Variants in ATP4A observed in about 807,000 individuals in gnomAD.
The protein encoded by ATP4A is potassium-transporting ATPase alpha chain 1.
A neutral mutation model predicts 112.1 loss-of-function variants in ATP4A; 73 were observed. The observed-to-expected ratio is 0.65, with a 90% CI of 0.54 to 0.79. ATP4A has a LOEUF of 0.79. Ranked by LOEUF, ATP4A falls within the 30% of genes least tolerant of loss-of-function variation. ATP4A has a pLI of 0.00. For synonymous variants in ATP4A, 588 were observed against 588.9 expected (o/e 1.00, Z 0.02); for missense variants, 1,081 against 1,425.9 (o/e 0.76, Z 3.90).
At position 35,559,015 on chromosome 19, in the gene ATP4A, A is replaced by C. The variant is rs201370478; in HGVS notation, c.1233T>G (p.Ala411=). The C allele has an allele frequency of 1.2e-6, 2 of 1,614,044 alleles. No individual in the cohort carries two copies. The highest frequency in any genetic ancestry group is 8.5e-7 in the Non-Finnish European group (1 of 1,180,040). ...HLWFDNHIHT[A]DTTEDQSGQT... is the part of the protein sequence containing the mutation. ...CACCTGACTGGTCTTCCGTGGTGTC[A>C]GCTGTGTGGATGTGGTTGTCAAACC... The change falls in exon 8 of 22, where the codon GCT becomes GCG. Residue 411 remains alanine, a synonymous_variant. Coordinates refer to ENST00000262623, the MANE Select transcript of ATP4A (RefSeq NM_000704.3). This position sits in a 1 kb window ranked among gnomAD's most constrained non-coding sequence, Gnocchi z 4.1.
Position 35,558,354 on chromosome 19 carries a change from C to T in ATP4A, c.1500+8G>A, listed in dbSNP as rs1249340612. 3.7e-6 allele frequency: 6 copies of T among 1,606,846 alleles called. No individual in the cohort carries two copies. The highest frequency in any genetic ancestry group is 5.1e-6 in the Non-Finnish European group (6 of 1,176,840). On this transcript the variant is annotated splice_region_variant and intron_variant, in intron 10 of 21. Coordinates refer to ENST00000262623, the MANE Select transcript of ATP4A (RefSeq NM_000704.3). This position sits in a 1 kb window ranked among gnomAD's most constrained non-coding sequence, Gnocchi z 5.1. ...GGGCCCAGGCCGTGGGCGGGGCCGG[C>T]TGCGCACCTGGAACTTGTTGGTGGA...
At position 35,557,118 on chromosome 19, in the gene ATP4A, G is replaced by T. The variant is rs1336351525; in HGVS notation, c.1694-30C>A. ...CCGGAAACGGGGAAGTCAGGGAAGA[G>T]CCCTGGGCACACCCTTTCTTAGCAG... On this transcript the variant is annotated intron_variant, in intron 11 of 21. Coordinates refer to ENST00000262623, the MANE Select transcript of ATP4A (RefSeq NM_000704.3). The surrounding 1 kb of genome is among the most constrained non-coding windows in gnomAD (Gnocchi z 4.4). 6.2e-7 allele frequency: 1 copy of T among 1,612,318 alleles called. No individual in the cohort carries two copies. Among genetic ancestry groups the T allele is most frequent in the South Asian group, 1.1e-5 (1 of 90,984 alleles).
chr19:35,557,095 G>C lies in ATP4A; in HGVS notation c.1694-7C>G. On this transcript the variant is annotated splice_polypyrimidine_tract_variant and splice_region_variant and intron_variant, in intron 11 of 21. Coordinates refer to ENST00000262623, the MANE Select transcript of ATP4A (RefSeq NM_000704.3). The surrounding 1 kb of genome is among the most constrained non-coding windows in gnomAD (Gnocchi z 4.4). ...AGGTAGAGCTGGCAGAAGCCTGACC[G>C]GAAACGGGGAAGTCAGGGAAGAGCC... is the stretch of plus-strand genomic sequence containing the variant. The C allele has an allele frequency of 6.2e-7, 1 of 1,614,032 alleles. No homozygotes were observed. Among genetic ancestry groups the C allele is most frequent in the Non-Finnish European group, 8.5e-7 (1 of 1,180,002 alleles).
At chr19:35,563,000 C>T (rs1256233445) in intron 3 of ATP4A, among the ~76,000 whole-genome samples, 8 of 150,480 alleles carry the variant, frequency 5.3e-5, no homozygotes, top group South Asian at 2.1e-4. Flanking sequence ...CTCTCTCCAT[C>T]TCCCTCCCTC....
chr19:35,562,755 A>G, intron 3 of ATP4A, 117 bp from the exon 4 acceptor site: 3 of 1,030,224 alleles, frequency 2.9e-6, no homozygotes, highest in Non-Finnish European at 4.1e-6. Context: ...GCTCCTTCTC[A>G]TCTCTTTGTC....
In ATP4A at chr19:35,558,457, T is replaced by C; in HGVS notation, c.1405A>G (p.Lys469Glu). The change falls in exon 10 of 22, where the codon AAG (lysine) becomes GAG (glutamate). Residue 469 changes from lysine (K) to glutamate (E), a missense_variant. Lys to Glu is a moderately conservative substitution (Grantham distance 56, BLOSUM62 1). Transcript: ENST00000262623. This position sits in a 1 kb window ranked among gnomAD's most constrained non-coding sequence, Gnocchi z 5.1. ...TTGCCCAGCGTCAGCTCCGAGAACTTGAGCAGCGCCGTCTCCGATGCGTCT... is the reference window on the plus strand; with the variant it reads ...TTGCCCAGCGTCAGCTCCGAGAACTCGAGCAGCGCCGTCTCCGATGCGTCT... The part of the protein sequence containing the change: ...IGDASETALL[K>E]FSELTLGNAM... The C allele has an allele frequency of 6.2e-7, 1 of 1,602,908 alleles. No homozygotes were observed. Among genetic ancestry groups the C allele is most frequent in the Non-Finnish European group, 8.5e-7 (1 of 1,175,292 alleles).
rs145425383 is a variant in ATP4A, at chr19:35,562,545, C to A, written c.310G>T (p.Ala104Ser). ...PRGTPEYVKF[A>S]RQLAGGLQCL... ...TGCAGGCCCCCGGCCAGCTGCCTCGCGAACTTGACGTACTCTGGGGTGCCC... is the reference window on the plus strand; with the variant it reads ...TGCAGGCCCCCGGCCAGCTGCCTCGAGAACTTGACGTACTCTGGGGTGCCC... Residue 104 changes from alanine to serine, a missense_variant, in exon 4 of 22, where the codon GCG becomes TCG. This residue lies in a region of ATP4A where 850 missense variants were observed against 1,068.2 expected (regional missense o/e 0.80). Coordinates refer to ENST00000262623, the MANE Select transcript of ATP4A (RefSeq NM_000704.3). The A allele has an allele frequency of 1.9e-6, 3 of 1,613,130 alleles. No individual in the cohort carries two copies. The highest frequency in any genetic ancestry group is 2.2e-5 in the South Asian group (2 of 90,910).
Position 35,550,705 on chromosome 19 carries a change from G to A in ATP4A, c.3080-62C>T, listed in dbSNP as rs894868515. On this transcript the variant is annotated intron_variant, in intron 21 of 21. Transcript: ENST00000262623. This position sits in a 1 kb window ranked among gnomAD's most constrained non-coding sequence, Gnocchi z 4.1. ...GGGTGCCACTTAGGCAGGGCCAGGG[G>A]CTCAGAGGTCAGTGCTGGTTGCTAT... The A allele has an allele frequency of 2.5e-6, 4 of 1,610,968 alleles. No homozygotes were observed. Among genetic ancestry groups the A allele is most frequent in the African/African-American group, 1.3e-5 (1 of 74,862 alleles).
At position 35,558,443 on chromosome 19, in the gene ATP4A, C is replaced by G; in HGVS notation, c.1419G>C (p.Leu473=). The G allele has an allele frequency of 6.2e-7, 1 of 1,605,614 alleles. No individual in the cohort carries two copies. Among genetic ancestry groups the G allele is most frequent in the Non-Finnish European group, 8.5e-7 (1 of 1,176,522 alleles). The part of the protein sequence containing the change: ...SETALLKFSE[L]TLGNAMGYRD... ...GGTAGCCCATGGCGTTGCCCAGCGT[C>G]AGCTCCGAGAACTTGAGCAGCGCCG... is the stretch of plus-strand genomic sequence containing the variant. Residue 473 remains leucine (L), a synonymous_variant, in exon 10 of 22, where the codon CTG becomes CTC. Transcript: ENST00000262623. This position sits in a 1 kb window ranked among gnomAD's most constrained non-coding sequence, Gnocchi z 5.1.
Position 35,559,281 on chromosome 19 carries a change from A to C in ATP4A, c.1057-90T>G. 1 of 1,400,154 alleles carries C rather than the reference A, an allele frequency of 7.1e-7. No homozygotes were observed. Among genetic ancestry groups the C allele is most frequent in the Non-Finnish European group, 9.9e-7 (1 of 1,006,394 alleles). The allele number at this position is 1,400,154 out of a possible 1,614,324, so 86.7% of individuals were successfully genotyped here. On this transcript the variant is annotated intron_variant, in intron 7 of 21. Transcript: ENST00000262623. The surrounding 1 kb of genome is among the most constrained non-coding windows in gnomAD (Gnocchi z 4.1). The stretch of plus-strand genomic sequence containing the variant: ...CAAAGAACGGGGAAGGCTTTACCCC[A>C]GCCGCGGGGCTGCGTGTGCAACGTG...
At position 35,557,229 on chromosome 19, in the gene ATP4A, A is replaced by G; in HGVS notation, c.1694-141T>C. 1.1e-6 allele frequency: 1 copy of G among 945,614 alleles called. No homozygotes were observed. The highest frequency in any genetic ancestry group is 1.6e-6 in the Non-Finnish European group (1 of 637,132). 58.6% of individuals were successfully genotyped at this position (945,614 alleles called of 1,614,324 possible). A position where few individuals can be genotyped will look rare whatever the true frequency, so the allele number is the denominator to read the frequency against. ...TTGTGCTGACCCCTTCACTCACATT[A>G]TCTGAATCTACCCTCACAACCACCC... is the stretch of plus-strand genomic sequence containing the variant. On this transcript the variant is annotated intron_variant, in intron 11 of 21. Coordinates refer to ENST00000262623, the MANE Select transcript of ATP4A (RefSeq NM_000704.3). The surrounding 1 kb of genome is among the most constrained non-coding windows in gnomAD (Gnocchi z 4.4).
At position 35,559,851 on chromosome 19, in the gene ATP4A, G is replaced by A. The variant is rs1434170344; in HGVS notation, c.1010C>T (p.Ala337Val). ...TFLRAMVFFMAIVVAYVPEGL... is the reference protein window; with the variant it reads ...TFLRAMVFFMVIVVAYVPEGL... Reference sequence around the variant, plus strand: ...CTCAGGCACATAGGCCACCACGATGGCCATGAAGAAGACCATGGCCCGCAG... The same window carrying A: ...CTCAGGCACATAGGCCACCACGATGACCATGAAGAAGACCATGGCCCGCAG... Residue 337 changes from alanine to valine, a missense_variant, in exon 7 of 22, where the codon GCC becomes GTC. Physicochemically the swap from Ala to Val is moderately conservative, Grantham distance 64. Coordinates refer to ENST00000262623, the MANE Select transcript of ATP4A (RefSeq NM_000704.3). This position sits in a 1 kb window ranked among gnomAD's most constrained non-coding sequence, Gnocchi z 4.1. 5 of 1,614,180 alleles carry A rather than the reference G, an allele frequency of 3.1e-6. No individual in the cohort carries two copies. Among genetic ancestry groups the A allele is most frequent in the Non-Finnish European group, 4.2e-6 (5 of 1,180,028 alleles).
At chr19:35,563,586 C>G (rs926336091) in intron 1 of ATP4A, 32 bp downstream of exon 1, 1 of 1,613,910 alleles carries the variant, frequency 6.2e-7, no homozygotes, top group Admixed American at 1.7e-5. Flanking sequence ...CCCCTGTCCC[C>G]ACTGCACCCC....
rs61746803 is a variant in ATP4A, at chr19:35,562,555, G to T, written c.300C>A (p.Tyr100Ter). 1 of 1,612,816 alleles carries T rather than the reference G, an allele frequency of 6.2e-7. No homozygotes were observed. Among genetic ancestry groups the T allele is most frequent in the Admixed American group, 1.7e-5 (1 of 59,866 alleles). The change falls in exon 4 of 22, where the codon TAC becomes TAA. Residue 100 changes from tyrosine (Y) to a stop codon, truncating the protein, a stop_gained. Transcript: ENST00000262623. LOFTEE classifies it high-confidence loss of function. ...CGGCCAGCTGCCTCGCGAACTTGAC[G>T]TACTCTGGGGTGCCCCGTGGTGGCC... ...ALRPPRGTPE[Y>*]VKFARQLAGG...
chr19:35,551,724 G>T lies in ATP4A; in HGVS notation c.2752-144C>A, dbSNP rs2071603367. The stretch of plus-strand genomic sequence containing the variant: ...TTGCATCAGAGTGTGGGGGTGGGGG[G>T]AAGGAGAGAGGCAGGGTCTGCCAGG... On this transcript the variant is annotated intron_variant, in intron 18 of 21. Coordinates refer to ENST00000262623, the MANE Select transcript of ATP4A (RefSeq NM_000704.3). This position sits in a 1 kb window ranked among gnomAD's most constrained non-coding sequence, Gnocchi z 5.2. 3.6e-6 allele frequency: 4 copies of T among 1,121,196 alleles called. No individual in the cohort carries two copies. In the South Asian group the frequency reaches 4.5e-5, roughly 13 times the overall value. 69.5% of individuals were successfully genotyped at this position (1,121,196 alleles called of 1,614,324 possible).
chr19:35,550,513 C>G lies in ATP4A; in HGVS notation c.*102G>C. On this transcript the variant is annotated 3_prime_UTR_variant, in exon 22 of 22. Transcript: ENST00000262623. The surrounding 1 kb of genome is among the most constrained non-coding windows in gnomAD (Gnocchi z 4.1). ...GAAGCAGATACTGGTGGGGCTGGGA[C>G]TCTTGGTTGCTCAGATATCTTGGTG... The G allele has an allele frequency of 6.7e-7, 1 of 1,489,510 alleles. No homozygotes were observed. The highest frequency in any genetic ancestry group is 9.3e-7 in the Non-Finnish European group (1 of 1,077,838). 92.3% of individuals were successfully genotyped at this position (1,489,510 alleles called of 1,614,324 possible).
Position 35,558,085 on chromosome 19 carries a change from A to G in ATP4A, c.1501-238T>C, listed in dbSNP as rs1242898693. The G allele has an allele frequency of 1.7e-6, 1 of 606,046 alleles. No individual in the cohort carries two copies. The highest frequency in any genetic ancestry group is 2.9e-5 in the East Asian group (1 of 34,622). The allele number at this position is 606,046 out of a possible 1,614,324, so 37.5% of individuals were successfully genotyped here. A position where few individuals can be genotyped will look rare whatever the true frequency, so the allele number is the denominator to read the frequency against. On this transcript the variant is annotated intron_variant, in intron 10 of 21. Transcript: ENST00000262623. The surrounding 1 kb of genome is among the most constrained non-coding windows in gnomAD (Gnocchi z 5.1). ...GGAGTCCTGGACGCAGGGAATGAAC[A>G]GAATTAGGGTGCGGAGTTGGGCTGG...
intron 4 of ATP4A, among the ~76,000 whole-genome samples, chr19:35,561,681 G>A (rs1278504632): frequency 1.3e-5 from 2 of 151,664 alleles, no homozygotes; most frequent in Non-Finnish European, 2.9e-5. Flanking sequence ...TTTCCTCTCT[G>A]TCTCTGTGCT....
At position 35,562,571 on chromosome 19, in the gene ATP4A, C is replaced by T. The variant is rs746484584; in HGVS notation, c.284G>A (p.Arg95Gln). 2.0e-5 allele frequency: 33 copies of T among 1,611,946 alleles called. No individual in the cohort carries two copies. Among genetic ancestry groups the T allele is most frequent in the South Asian group, 2.2e-5 (2 of 90,700 alleles). The change falls in exon 4 of 22, where the codon CGG (arginine) becomes CAG (glutamine). Residue 95 changes from arginine (R) to glutamine (Q), a missense_variant. Arg to Gln is a conservative substitution (Grantham distance 43). This residue lies in a region of ATP4A where 850 missense variants were observed against 1,068.2 expected (regional missense o/e 0.80). Transcript: ENST00000262623. ...RDGPNALRPP[R>Q]GTPEYVKFAR... The stretch of plus-strand genomic sequence containing the variant: ...GAACTTGACGTACTCTGGGGTGCCC[C>T]GTGGTGGCCGCAGTGCGTTGGGCCC...
Sources: gnomAD v4.1 joint callset for allele counts (sites outside exome capture counted in the v4.1 genomes callset) on GRCh38, gnomAD v4.1.1 for gene constraint, gnomAD v4.1.1 regional missense constraint, Gnocchi (gnomAD v3.1) non-coding constraint, MANE v1.5 for transcripts, NCBI Gene and HGNC (gene_info 2026-07-23, HGNC 2026-07-21) for gene names.